Variants in EXOC5 observed in about 807,000 individuals in gnomAD.
EXOC5 encodes SEC10-like 1.
Under a neutral mutation model 90.8 loss-of-function variants are expected in EXOC5, and 17 were observed. The observed-to-expected ratio is 0.19, with a 90% CI of 0.13 to 0.28. The LOEUF (loss-of-function observed/expected upper bound fraction) is 0.28, where lower values mean the gene tolerates loss of function less well. Among genes scored for constraint, EXOC5 ranks in the 10% least tolerant of loss-of-function variants. The pLI is 1.00. For missense variants in EXOC5, 569 were observed against 830.6 expected, an observed-to-expected ratio of 0.69 and a Z score of 3.87; for synonymous variants, 260 against 270.0, an observed-to-expected ratio of 0.96 and a Z score of 0.36.
chr14:57,230,861 A>G (rs1883461285), intron 11 of EXOC5, among the ~76,000 whole-genome samples: 1 of 151,664 alleles, frequency 6.6e-6, no homozygotes, highest in Non-Finnish European at 1.5e-5. Context: ...CAACAGTAAC[A>G]AAAAAAAGAT....
At chr14:57,214,263 G>T (rs1882909623) in intron 15 of EXOC5, among the ~76,000 whole-genome samples, 1 of 152,108 alleles carries the variant, frequency 6.6e-6, no homozygotes, top group Non-Finnish European at 1.5e-5. Context: ...CAGCTGAAGA[G>T]GGTTGGGTGG....
In EXOC5 at chr14:57,203,749, A is replaced by G. The variant is rs1882565808; in HGVS notation, c.*4860T>C. On this transcript the variant is annotated 3_prime_UTR_variant, in exon 18 of 18. Coordinates refer to ENST00000621441, the MANE Select transcript of EXOC5 (RefSeq NM_006544.4). The stretch of plus-strand genomic sequence containing the variant: ...TTTAAATTAAAAGTGGCTCAGTTGG[A>G]TACTGTCTCTTAAACACAGTAATAT... 6.6e-6 allele frequency: 1 copy of G among 152,564 alleles called. No homozygotes were observed. The allele number at this position is 152,564 out of a possible 1,614,324, so 9.5% of individuals were successfully genotyped here.
In EXOC5 at chr14:57,268,900, G is replaced by T; in HGVS notation, c.-252C>A. On this transcript the variant is annotated 5_prime_UTR_variant, in exon 1 of 18. Coordinates refer to ENST00000621441, the MANE Select transcript of EXOC5 (RefSeq NM_006544.4). ...TGTCACCGCCTCATACGCCGGAAGT[G>T]GAACTGCGCGCGCCAGGGAGGTTGT... 2.1e-6 allele frequency: 2 copies of T among 961,260 alleles called. No individual in the cohort carries two copies. Among genetic ancestry groups the T allele is most frequent in the Non-Finnish European group, 2.9e-6 (2 of 687,060 alleles). 59.5% of individuals were successfully genotyped at this position (961,260 alleles called of 1,614,324 possible).
chr14:57,221,895 A>G (rs1485921529), intron 13 of EXOC5, among the ~76,000 whole-genome samples: 2 of 152,158 alleles, frequency 1.3e-5, no homozygotes, highest in African/African-American at 2.4e-5. Context: ...TACTAAGACC[A>G]AAAGACCAAA....
chr14:57,265,796 A>AT (rs1238883533), intron 1 of EXOC5, among the ~76,000 whole-genome samples: 1 of 152,242 alleles, frequency 6.6e-6, no homozygotes, highest in Non-Finnish European at 1.5e-5. Context: ...TCTACACCAC[A>AT]TAAGAATCCT....
intron 1 of EXOC5, among the ~76,000 whole-genome samples, chr14:57,261,031 T>G (rs935203491): frequency 2.6e-5 from 4 of 152,220 alleles, no homozygotes; most frequent in African/African-American, 9.6e-5. Context: ...AGCAAAGATA[T>G]GTAAATAACT....
At chr14:57,209,896 A>AG (rs746463065) in intron 16 of EXOC5, 57 bp downstream of exon 16, 198 of 1,172,842 alleles carry the variant, frequency 1.7e-4, no homozygotes, top group Middle Eastern at 1.4e-3. Flanking sequence ...AGGGCACAGT[A>AG]GGATACACCA....
intron 4 of EXOC5, 119 bp downstream of exon 4, chr14:57,244,046 T>G: frequency 1.5e-6 from 1 of 663,190 alleles, no homozygotes; most frequent in South Asian, 2.0e-5. Context: ...AATAAAAACT[T>G]TTAATAAGTC....
chr14:57,209,200 G>A (rs1438840964), intron 17 of EXOC5, among the ~76,000 whole-genome samples: 2 of 151,928 alleles, frequency 1.3e-5, no homozygotes, highest in Non-Finnish European at 2.9e-5. Flanking sequence ...CTGTGGAACT[G>A]AAAATACACC....
chr14:57,232,136 A>G (rs973346451), intron 10 of EXOC5: 1 of 165,950 alleles, frequency 6.0e-6, no homozygotes, highest in African/African-American at 2.4e-5. Context: ...TGCTGAAGAT[A>G]GGGTCATAAC....
chr14:57,245,783 T>C (rs1884014967), intron 3 of EXOC5, among the ~76,000 whole-genome samples: 1 of 152,128 alleles, frequency 6.6e-6, no homozygotes, highest in African/African-American at 2.4e-5. Context: ...CCAGGAGCAG[T>C]AGCTCACACC....
At chr14:57,219,802 G>A (rs1883074869) in intron 13 of EXOC5, among the ~76,000 whole-genome samples, 1 of 151,862 alleles carries the variant, frequency 6.6e-6, no homozygotes, top group Non-Finnish European at 1.5e-5. Flanking sequence ...TTTTATCCTA[G>A]ATACTGCTGC....
At chr14:57,254,539 T>A (rs1884289941) in intron 1 of EXOC5, among the ~76,000 whole-genome samples, 1 of 151,924 alleles carries the variant, frequency 6.6e-6, no homozygotes, top group Non-Finnish European at 1.5e-5. Flanking sequence ...GGCCTAGCTA[T>A]CAGAGAAGTA....
chr14:57,259,780 A>G (rs968205273), intron 1 of EXOC5, among the ~76,000 whole-genome samples: 12 of 152,254 alleles, frequency 7.9e-5, no homozygotes, highest in African/African-American at 2.9e-4. Flanking sequence ...AATCATTTTC[A>G]TAAGTTTCAC....
chr14:57,258,747 A>G (rs1020923923), intron 1 of EXOC5, among the ~76,000 whole-genome samples: 2 of 152,236 alleles, frequency 1.3e-5, no homozygotes, highest in African/African-American at 4.8e-5. Flanking sequence ...TTGGACAGGA[A>G]CATAAATCCC....
chr14:57,208,836 A>G, intron 17 of EXOC5, 39 bp from the exon 18 acceptor site: 1 of 1,380,032 alleles, frequency 7.2e-7, no homozygotes, highest in South Asian at 1.4e-5. Context: ...TTGAAACAAA[A>G]CAATTTCCAG....
intron 1 of EXOC5, chr14:57,268,411 G>T: frequency 7.2e-7 from 1 of 1,389,142 alleles, no homozygotes; most frequent in Non-Finnish European, 9.5e-7. Context: ...TCTGCCGACC[G>T]GCCGCCCAGC....
chr14:57,240,344 C>T (rs993756188), intron 4 of EXOC5, among the ~76,000 whole-genome samples: 8 of 151,910 alleles, frequency 5.3e-5, no homozygotes, highest in Admixed American at 1.3e-4. Flanking sequence ...TGCAATGGCG[C>T]GATATCTGCT....
chr14:57,258,972 T>G (rs1884424152), intron 1 of EXOC5, among the ~76,000 whole-genome samples: 2 of 152,174 alleles, frequency 1.3e-5, no homozygotes, highest in South Asian at 4.1e-4. Flanking sequence ...AACCCATCGG[T>G]TCAAAAGTAC....
Sources: gnomAD v4.1 joint callset for allele counts (sites outside exome capture counted in the v4.1 genomes callset) on GRCh38, gnomAD v4.1.1 for gene constraint, MANE v1.5 for transcripts, NCBI Gene and HGNC (gene_info 2026-07-23, HGNC 2026-07-21) for gene names.